Variants in TJP2 observed in about 807,000 individuals in gnomAD.
The protein encoded by TJP2 is tight junction protein 2.
In TJP2, 91 loss-of-function variants were observed where a neutral mutation model predicts 133.1. That is an observed-to-expected ratio of 0.68 (90% CI 0.58 to 0.81). The LOEUF (loss-of-function observed/expected upper bound fraction) is 0.81. Among genes scored for constraint, TJP2 ranks in the 40% least tolerant of loss-of-function variants. The pLI is 0.00. For synonymous variants in TJP2, 592 were observed against 583.4 expected, an observed-to-expected ratio of 1.01 and a Z score of -0.21; for missense variants, 1,541 against 1,565.6, an observed-to-expected ratio of 0.98 and a Z score of 0.26.
At chr9:69,232,166 A>G (rs1436155198) in intron 11 of TJP2, among the ~76,000 whole-genome samples, 2 of 152,138 alleles carry the variant, frequency 1.3e-5, no homozygotes, top group Non-Finnish European at 2.9e-5. Flanking sequence ...CACGGAAGGA[A>G]CTCTGGGAAC....
At chr9:69,210,299 CAA>C (rs3067182) in intron 1 of TJP2, among the ~76,000 whole-genome samples, 2,393 of 28,012 alleles carry the variant, frequency 0.085, 56 homozygotes, top group South Asian at 0.2. Context: ...CCCCCCCCCC[CAA>C]AAAAAAAAAA....
chr9:69,240,471 A>G (rs1026448495), intron 17 of TJP2, among the ~76,000 whole-genome samples: 5 of 152,212 alleles, frequency 3.3e-5, no homozygotes, highest in Admixed American at 2.6e-4. Context: ...AGATTGTGTC[A>G]TTGTTCTCTA....
intron 16 of TJP2, among the ~76,000 whole-genome samples, chr9:69,239,397 GT>G (rs576660488): frequency 2.0e-5 from 3 of 150,858 alleles, no homozygotes; most frequent in South Asian, 2.1e-4. Flanking sequence ...GTAACATACT[GT>G]TTTTTTTTCC....
chr9:69,236,883 T>C, intron 13 of TJP2, 66 bp from the exon 14 acceptor site: 9 of 1,545,478 alleles, frequency 5.8e-6, no homozygotes, highest in Non-Finnish European at 7.2e-6. Flanking sequence ...CTGGATTTGA[T>C]TAATGAAATG....
intron 1 of TJP2, among the ~76,000 whole-genome samples, chr9:69,203,050 G>A (rs1462942269): frequency 1.3e-5 from 2 of 152,136 alleles, no homozygotes; most frequent in African/African-American, 2.4e-5. Context: ...ATGAACTTAA[G>A]GGAAAGAAGT....
At chr9:69,142,678 A>C (rs1399789883) in intron 1 of TJP2, among the ~76,000 whole-genome samples, 1 of 152,198 alleles carries the variant, frequency 6.6e-6, no homozygotes, top group African/African-American at 2.4e-5. Context: ...GTGAAGAAGC[A>C]TGGCCACTGT....
intron 1 of TJP2, chr9:69,205,415 T>C (rs899739739): frequency 6.9e-6 from 9 of 1,302,442 alleles, no homozygotes; most frequent in Non-Finnish European, 9.2e-6. Context: ...TAAAAATACT[T>C]GTATTAATTT....
intron 1 of TJP2, among the ~76,000 whole-genome samples, chr9:69,198,291 G>A (rs1826740883): frequency 6.6e-6 from 1 of 151,994 alleles, no homozygotes; most frequent in Non-Finnish European, 1.5e-5. Context: ...ACAGGCATGT[G>A]CCACTACACC....
chr9:69,219,488 C>G (rs1327838230), intron 4 of TJP2, among the ~76,000 whole-genome samples: 1 of 152,182 alleles, frequency 6.6e-6, no homozygotes, highest in Non-Finnish European at 1.5e-5. Context: ...ACTTCACATG[C>G]ATTTCCTATG....
At chr9:69,137,296 TTTCTTTTCTTTTCTTTTCTTTTC>T (rs1822810076) in intron 1 of TJP2, among the ~76,000 whole-genome samples, 1 of 40,846 alleles carries the variant, frequency 2.4e-5, no homozygotes, top group South Asian at 6.4e-4. Context: ...TCTTTCTTTC[TTTCTTTTCTTTTCTTTTCTTTTC>T]TTTTCTTTTC....
intron 2 of TJP2, among the ~76,000 whole-genome samples, chr9:69,160,200 C>G (rs1823995806): frequency 6.6e-6 from 1 of 152,100 alleles, no homozygotes; most frequent in South Asian, 2.1e-4. Context: ...TGGAAATAAA[C>G]CTGGATTGAC....
At chr9:69,216,537 G>A (rs1563920151) in intron 3 of TJP2, 74 bp downstream of exon 3, 1 of 1,515,736 alleles carries the variant, frequency 6.6e-7, no homozygotes, top group Non-Finnish European at 9.0e-7. Flanking sequence ...TTTGGTTGGT[G>A]TCCACTTTAT....
intron 1 of TJP2, among the ~76,000 whole-genome samples, chr9:69,179,499 T>C (rs2132976569): frequency 6.8e-6 from 1 of 147,328 alleles, no homozygotes; most frequent in South Asian, 2.1e-4. Flanking sequence ...AGTTACTTTT[T>C]TCTTTTTCTT....
At chr9:69,131,578 G>A (rs1587873826) in intron 1 of TJP2, among the ~76,000 whole-genome samples, 1 of 152,222 alleles carries the variant, frequency 6.6e-6, no homozygotes. Flanking sequence ...GCCCCAAGGT[G>A]TTCTCTGTTA....
intron 1 of TJP2, among the ~76,000 whole-genome samples, chr9:69,148,694 A>C (rs1469078738): frequency 6.6e-6 from 1 of 152,140 alleles, no homozygotes; most frequent in African/African-American, 2.4e-5. Context: ...TGCTGTCTGC[A>C]AGCAGGGATG....
At chr9:69,252,458 C>T (rs1329827520) in intron 21 of TJP2, among the ~76,000 whole-genome samples, 1 of 152,126 alleles carries the variant, frequency 6.6e-6, no homozygotes. Context: ...TCCCTGGCAC[C>T]CACTCCTTTA....
At chr9:69,163,218 G>A (rs1426974733) in intron 2 of TJP2, among the ~76,000 whole-genome samples, 1 of 76,128 alleles carries the variant, frequency 1.3e-5, no homozygotes, top group African/African-American at 5.0e-5. Context: ...TAGTAGAGAC[G>A]GGGTTTCACC....
At chr9:69,169,352 C>G (rs144204373), upstream of TJP2, among the ~76,000 whole-genome samples, 120 of 122,694 alleles carry the variant, frequency 9.8e-4, no homozygotes, top group Non-Finnish European at 1.7e-3. Context: ...GTAAACTTTT[C>G]TCTTTTTTTT....
At chr9:69,130,637 C>T (rs559222942) in intron 1 of TJP2, among the ~76,000 whole-genome samples, 4 of 152,128 alleles carry the variant, frequency 2.6e-5, no homozygotes, top group East Asian at 1.9e-4. Flanking sequence ...CGGAAGGGGC[C>T]GGGCTTGAGG....
Sources: allele counts gnomAD v4.1 joint callset (sites outside exome capture counted in the v4.1 genomes callset), GRCh38; gene constraint gnomAD v4.1.1; transcripts MANE v1.5; gene names NCBI Gene and HGNC (gene_info 2026-07-23, HGNC 2026-07-21).